EPS15L1: variants seen among roughly 807,000 people sequenced by gnomAD.
EPS15L1 encodes the protein epidermal growth factor receptor substrate 15-like 1.
Under a neutral mutation model 117.1 loss-of-function variants are expected in EPS15L1, and 43 were observed. That is an observed-to-expected ratio of 0.37 (90% CI 0.29 to 0.47). The LOEUF (loss-of-function observed/expected upper bound fraction) is 0.47, where lower values mean the gene tolerates loss of function less well. Ranked by LOEUF, EPS15L1 falls within the 20% of genes least tolerant of loss-of-function variation. The pLI is 0.99. For missense variants in EPS15L1, 981 were observed against 1,164.0 expected (o/e 0.84, Z 2.29); for synonymous variants, 459 against 470.5 (o/e 0.98, Z 0.32).
chr19:16,369,127 C>T (rs1371307981), intron 22 of EPS15L1, among the ~76,000 whole-genome samples: 1 of 152,198 alleles, frequency 6.6e-6, no homozygotes, highest in Non-Finnish European at 1.5e-5. Flanking sequence ...CCATCTAAGA[C>T]ACATGAGGGG....
intron 1 of EPS15L1, among the ~76,000 whole-genome samples, chr19:16,459,016 T>C (rs2093223278): frequency 6.6e-6 from 1 of 152,228 alleles, no homozygotes; most frequent in Admixed American, 6.5e-5. Flanking sequence ...ACTCCCAGGC[T>C]ACAAACCTGG....
In EPS15L1 at chr19:16,365,587, G is replaced by A. The variant is rs2092122916; in HGVS notation, c.2381-3603C>T. ...GGAGCCACCAAAGCCACCGGCAGGG[G>A]CACCCTGGGGGACAGTGTGACAGTG... On this transcript the variant is annotated intron_variant, in intron 22 of 23. Coordinates refer to ENST00000455140, the MANE Select transcript of EPS15L1 (RefSeq NM_001258374.3). The surrounding 1 kb of genome is among the most constrained non-coding windows in gnomAD (Gnocchi z 4.9). 1.3e-5 allele frequency among the ~76,000 whole-genome samples: 2 copies of A among 152,216 alleles called. No individual in the cohort carries two copies. The highest frequency in any genetic ancestry group is 4.1e-4 in the South Asian group (2 of 4,828).
At chr19:16,408,496 G>A (rs888115746) in intron 13 of EPS15L1, among the ~76,000 whole-genome samples, 1 of 144,798 alleles carries the variant, frequency 6.9e-6, no homozygotes, top group Non-Finnish European at 1.5e-5. Context: ...ACAAAATTTT[G>A]TAAAAATACA....
intron 13 of EPS15L1, among the ~76,000 whole-genome samples, chr19:16,406,216 C>G (rs2092654852): frequency 1.3e-5 from 2 of 152,166 alleles, no homozygotes; most frequent in East Asian, 3.8e-4. Flanking sequence ...CCTCGATAGG[C>G]AAATCATGCC....
rs1254338170 is a variant in EPS15L1 at position 16,450,775 on chromosome 19, G to A, written c.34-8556C>T. Among the ~76,000 whole-genome samples, 6 of 151,586 alleles carry A rather than the reference G, an allele frequency of 4.0e-5. No homozygotes were observed. In the East Asian group the frequency reaches 5.9e-4, roughly 15 times the overall value. On this transcript the variant is annotated intron_variant, in intron 1 of 23. Transcript: ENST00000455140. ...TGGGATTACAGGCGTGAGCCACCAC[G>A]CCTGGCCAGGGCATGTCCAACTTCT...
At chr19:16,363,166 T>C (rs1430675007) in intron 22 of EPS15L1, among the ~76,000 whole-genome samples, 1 of 152,170 alleles carries the variant, frequency 6.6e-6, no homozygotes, top group Non-Finnish European at 1.5e-5. Context: ...TCCATGCTCC[T>C]GACACCCCTC....
At chr19:16,395,985 A>G (rs1191612113) in intron 16 of EPS15L1, among the ~76,000 whole-genome samples, 1 of 150,884 alleles carries the variant, frequency 6.6e-6, no homozygotes, top group Non-Finnish European at 1.5e-5. Context: ...GCGTGTACCT[A>G]TAATCCCAGC....
At chr19:16,465,235 T>C (rs2093293594) in intron 1 of EPS15L1, among the ~76,000 whole-genome samples, 2 of 152,124 alleles carry the variant, frequency 1.3e-5, no homozygotes, top group African/African-American at 2.4e-5. Flanking sequence ...CATACAACCA[T>C]GTCCAACACC....
chr19:16,362,027 A>G (rs1464165586), intron 22 of EPS15L1, 43 bp from the exon 23 acceptor site: 1 of 1,533,588 alleles, frequency 6.5e-7, no homozygotes, highest in South Asian at 1.3e-5. Flanking sequence ...AGAAAGAAAT[A>G]TGAGTTACTC....
intron 17 of EPS15L1, 143 bp downstream of exon 17, chr19:16,395,201 C>CA (rs368177768): frequency 0.072 from 32,993 of 457,776 alleles, 78 homozygotes; most frequent in Middle Eastern, 0.094. Context: ...AGTTCGTCTC[C>CA]AAAAAAAAAA....
chr19:16,471,914 T>C lies in EPS15L1; in HGVS notation c.32A>G (p.Gln11Arg). 3.1e-6 allele frequency: 4 copies of C among 1,301,158 alleles called. No individual in the cohort carries two copies. Among genetic ancestry groups the C allele is most frequent in the East Asian group, 3.2e-5 (1 of 31,722 alleles). The allele number at this position is 1,301,158 out of a possible 1,614,324, so 80.6% of individuals were successfully genotyped here. Residue 11 changes from glutamine to arginine, a missense_variant and splice_region_variant, in exon 1 of 24, where the codon CAG (glutamine) becomes CGG (arginine). Gln to Arg is a conservative substitution (Grantham distance 43). This residue lies in a region of EPS15L1 where 37 missense variants were observed against 21.2 expected (regional missense o/e 1.75). Transcript: ENST00000455140. The surrounding 1 kb of genome is among the most constrained non-coding windows in gnomAD (Gnocchi z 4.8). Reference protein sequence around the residue: MAAPLIPLSQQIPTGNSLYES... With the variant: MAAPLIPLSQRIPTGNSLYES... ...CCCCCAGGCCCGCCCGGCCCGTACC[T>C]GCTGGGAGAGGGGGATGAGCGGCGC...
At position 16,382,739 on chromosome 19, in the gene EPS15L1, A is replaced by T. The variant is rs772440995; in HGVS notation, c.2247+2390T>A. The stretch of plus-strand genomic sequence containing the variant: ...TGTTTTTAAAGTGAGCTTATGTCAC[A>T]TAGGCTTGATACTGTCTAGAAAAAT... On this transcript the variant is annotated intron_variant, in intron 21 of 23. Coordinates refer to ENST00000455140, the MANE Select transcript of EPS15L1 (RefSeq NM_001258374.3). Among the ~76,000 whole-genome samples, 4 of 152,062 alleles carry T rather than the reference A, an allele frequency of 2.6e-5. 1 individual carries two copies. The highest frequency in any genetic ancestry group is 6.6e-5 in the Admixed American group (1 of 15,258).
At chr19:16,421,621 G>A (rs1485474251) in intron 9 of EPS15L1, 145 bp from the exon 10 acceptor site, 4 of 854,206 alleles carry the variant, frequency 4.7e-6, no homozygotes, top group Non-Finnish European at 5.4e-6. Flanking sequence ...GAGGGCAGAT[G>A]TGATCCTTGT....
At chr19:16,409,350 TG>T (rs2144868851) in intron 13 of EPS15L1, among the ~76,000 whole-genome samples, 1 of 152,192 alleles carries the variant, frequency 6.6e-6, no homozygotes, top group African/African-American at 2.4e-5. Context: ...TAACTAGAAA[TG>T]GATCAAAGAC....
chr19:16,394,355 A>G (rs2092516857), intron 17 of EPS15L1, among the ~76,000 whole-genome samples: 1 of 126,738 alleles, frequency 7.9e-6, no homozygotes, highest in Non-Finnish European at 1.8e-5. Context: ...CTCCCTGGGT[A>G]AGAGGACACA....
At chr19:16,465,527 T>C (rs2093296574) in intron 1 of EPS15L1, among the ~76,000 whole-genome samples, 1 of 151,688 alleles carries the variant, frequency 6.6e-6, no homozygotes, top group African/African-American at 2.4e-5. Flanking sequence ...TACAAAAAAA[T>C]TAAAAATTAG....
chr19:16,461,161 G>C (rs10424196), intron 1 of EPS15L1, among the ~76,000 whole-genome samples: 1 of 151,726 alleles, frequency 6.6e-6, no homozygotes, highest in Non-Finnish European at 1.5e-5. Flanking sequence ...AAAATTAGCC[G>C]GGCGTGGTGG....
chr19:16,385,859 GA>G (rs2092415811), intron 20 of EPS15L1, among the ~76,000 whole-genome samples: 1 of 152,212 alleles, frequency 6.6e-6, no homozygotes, highest in African/African-American at 2.4e-5. Context: ...TTCTTTTAGG[GA>G]AAAAACCCAA....
intron 1 of EPS15L1, among the ~76,000 whole-genome samples, chr19:16,460,672 G>A (rs933834917): frequency 1.3e-5 from 2 of 152,248 alleles, no homozygotes; most frequent in African/African-American, 4.8e-5. Context: ...CACAGAGAAA[G>A]TTTCCAAAGC....
Sources: gnomAD v4.1 joint callset for allele counts (sites outside exome capture counted in the v4.1 genomes callset) on GRCh38, gnomAD v4.1.1 for gene constraint, gnomAD v4.1.1 regional missense constraint, Gnocchi (gnomAD v3.1) non-coding constraint, MANE v1.5 for transcripts, NCBI Gene and HGNC (gene_info 2026-07-23, HGNC 2026-07-21) for gene names.